LAMP3: variants seen among roughly 807,000 people sequenced by gnomAD.
The protein encoded by LAMP3 is lysosome associated membrane protein 3.
Under a neutral mutation model 34.8 loss-of-function variants are expected in LAMP3, and 26 were observed. The observed-to-expected ratio is 0.75, with a 90% CI of 0.55 to 1.04. LAMP3 has a LOEUF of 1.04. Among genes scored for constraint, LAMP3 ranks in the 50% least tolerant of loss-of-function variants. The probability of loss-of-function intolerance (pLI) is 0.00; values close to 1 mark genes in which losing one functional copy is unlikely to be tolerated. For synonymous variants in LAMP3, 180 were observed against 201.9 expected, an observed-to-expected ratio of 0.89 and a Z score of 0.92; for missense variants, 495 against 524.0, an observed-to-expected ratio of 0.94 and a Z score of 0.54.
intron 1 of LAMP3, among the ~76,000 whole-genome samples, chr3:183,156,845 C>T (rs1720835851): frequency 1.3e-5 from 2 of 152,252 alleles, no homozygotes; most frequent in East Asian, 1.9e-4. Context: ...GGGGCGGAGA[C>T]TTGAGCACCG....
intron 5 of LAMP3, among the ~76,000 whole-genome samples, chr3:183,124,528 G>A (rs917717273): frequency 3.9e-5 from 6 of 152,126 alleles, no homozygotes; most frequent in Admixed American, 1.3e-4. Context: ...TGCTAAGTGG[G>A]ATATGCTTAC....
intron 3 of LAMP3, among the ~76,000 whole-genome samples, chr3:183,149,564 AAAAAAAAAAAATATATATAT>A (rs1388967908): frequency 3.4e-4 from 5 of 14,652 alleles, no homozygotes; most frequent in Non-Finnish European, 4.7e-4. Flanking sequence ...AAAAAAAAAA[AAAAAAAAAAAATATATATAT>A]ATATATATAT....
chr3:183,133,904 T>C (rs1720002054), intron 5 of LAMP3, among the ~76,000 whole-genome samples: 1 of 152,184 alleles, frequency 6.6e-6, no homozygotes. Context: ...TTCGATCCCC[T>C]GTTTAAAAAT....
chr3:183,151,021 G>C (rs568366944), intron 3 of LAMP3, among the ~76,000 whole-genome samples: 8 of 152,092 alleles, frequency 5.3e-5, no homozygotes, highest in Non-Finnish European at 1.0e-4. Flanking sequence ...TGCTCCAGGA[G>C]AATAAAGTCT....
chr3:183,153,228 A>G (rs1490714587), intron 2 of LAMP3, among the ~76,000 whole-genome samples: 2 of 151,752 alleles, frequency 1.3e-5, no homozygotes, highest in Non-Finnish European at 2.9e-5. Context: ...CCTTTAGTAT[A>G]TCAAATAATC....
chr3:183,146,718 G>T (rs1486144805), intron 3 of LAMP3, among the ~76,000 whole-genome samples: 1 of 151,820 alleles, frequency 6.6e-6, no homozygotes, highest in Non-Finnish European at 1.5e-5. Flanking sequence ...AGTAGAGACA[G>T]GGTCTTGCCA....
chr3:183,138,059 G>C (rs1333775415), intron 4 of LAMP3, among the ~76,000 whole-genome samples: 1 of 152,010 alleles, frequency 6.6e-6, no homozygotes, highest in Non-Finnish European at 1.5e-5. Flanking sequence ...CTGACCTGAG[G>C]TGATCTGCCC....
intron 1 of LAMP3, among the ~76,000 whole-genome samples, chr3:183,156,505 T>C (rs1216246161): frequency 6.6e-6 from 1 of 152,194 alleles, no homozygotes; most frequent in Non-Finnish European, 1.5e-5. Context: ...TGTCCTGTGC[T>C]GGGCTGAGAA....
chr3:183,162,934 G>C, upstream of LAMP3: 1 of 457,618 alleles, frequency 2.2e-6, no homozygotes, highest in Middle Eastern at 5.9e-4. Flanking sequence ...GGCCTCCTCC[G>C]CTCATACCCT....
chr3:183,152,475 A>T lies in LAMP3; in HGVS notation c.788T>A (p.Ile263Asn), dbSNP rs1169130907. Residue 263 changes from isoleucine (I) to asparagine (N), a missense_variant, in exon 3 of 6, where the codon ATC becomes AAC. Coordinates refer to ENST00000265598, the MANE Select transcript of LAMP3 (RefSeq NM_014398.4). ...AGAGGCTTGCGTTGCGTTGGGGTCGATGTTGAAGTATCTCCGAGGTGAAAA... is the reference window on the plus strand; with the variant it reads ...AGAGGCTTGCGTTGCGTTGGGGTCGTTGTTGAAGTATCTCCGAGGTGAAAA... ...SVFSPRRYFN[I>N]DPNATQASGN... 4 of 1,612,136 alleles carry T rather than the reference A, an allele frequency of 2.5e-6. No homozygotes were observed. The African/African-American group carries it at 5.3e-5, about 22-fold the overall frequency.
rs1239354668 is a variant in LAMP3 at position 183,162,648 on chromosome 3, C to T, written c.8G>A (p.Arg3Gln). Residue 3 changes from arginine to glutamine, a missense_variant, in exon 1 of 6, where the codon CGG becomes CAG. By Grantham distance (43) the Arg-to-Gln change is conservative. Coordinates refer to ENST00000265598, the MANE Select transcript of LAMP3 (RefSeq NM_014398.4). Reference sequence around the variant, plus strand: ...GAGCGCGGCCGCCGCGCTGAGCTGCCGGGGCATGGTGGGCGCTGGGCGAGG... The same window carrying T: ...GAGCGCGGCCGCCGCGCTGAGCTGCTGGGGCATGGTGGGCGCTGGGCGAGG... MP[R>Q]QLSAAAALFA... 2 of 1,541,232 alleles carry T rather than the reference C, an allele frequency of 1.3e-6. No homozygotes were observed. Among genetic ancestry groups the T allele is most frequent in the Non-Finnish European group, 8.7e-7 (1 of 1,144,862 alleles).
intron 4 of LAMP3, among the ~76,000 whole-genome samples, chr3:183,139,734 A>G (rs561262005): frequency 1.3e-4 from 20 of 152,246 alleles, no homozygotes; most frequent in South Asian, 6.2e-4. Flanking sequence ...GAAACCGCGA[A>G]TAAGGTCGGG....
At chr3:183,153,637 C>T (rs746648586) in intron 2 of LAMP3, 45 bp downstream of exon 2, 2 of 1,380,532 alleles carry the variant, frequency 1.4e-6, no homozygotes, top group Non-Finnish European at 2.0e-6. Context: ...AACCTCCACT[C>T]AGACTTTTTG....
At chr3:183,124,350 G>A (rs1719734885) in intron 5 of LAMP3, 136 bp from the exon 6 acceptor site, 1 of 695,302 alleles carries the variant, frequency 1.4e-6, no homozygotes. Flanking sequence ...CTAGCTTTGT[G>A]ACCTTGGGCA....
At chr3:183,160,679 A>G (rs1414367136) in intron 1 of LAMP3, among the ~76,000 whole-genome samples, 1 of 152,168 alleles carries the variant, frequency 6.6e-6, no homozygotes, top group Non-Finnish European at 1.5e-5. Context: ...TATGAGACTA[A>G]ATAAGTTATA....
chr3:183,155,387 C>A (rs1720794629), intron 1 of LAMP3, among the ~76,000 whole-genome samples: 2 of 152,164 alleles, frequency 1.3e-5, no homozygotes, highest in African/African-American at 4.8e-5. Context: ...CATTTTCGTA[C>A]TTAACTTTTG....
chr3:183,140,410 CAAAAAAAA>C (rs58229572), intron 4 of LAMP3, 120 bp downstream of exon 4: 482 of 194,294 alleles, frequency 2.5e-3, no homozygotes, highest in South Asian at 4.6e-3. Flanking sequence ...GACTCCATCT[CAAAAAAAA>C]AAAAAAAAAA....
At chr3:183,148,878 C>T (rs150090326) in intron 3 of LAMP3, among the ~76,000 whole-genome samples, 2,849 of 152,292 alleles carry the variant, frequency 0.019, 30 homozygotes, top group Non-Finnish European at 0.026. Context: ...TATATCGAAG[C>T]GATCTGCTCT....
Position 183,153,652 on chromosome 3 carries a change from T to C in LAMP3, c.759+30A>G, listed in dbSNP as rs1477283164. On this transcript the variant is annotated intron_variant, in intron 2 of 5. Coordinates refer to ENST00000265598, the MANE Select transcript of LAMP3 (RefSeq NM_014398.4). ...AACCTCCACTCAGACTTTTTGAAGA[T>C]AGTGTTATAGTCCTGTGGCCCCAAC... 4 of 1,431,740 alleles carry C rather than the reference T, an allele frequency of 2.8e-6. No homozygotes were observed. The African/African-American group carries it at 4.3e-5, about 15-fold the overall frequency. 88.7% of individuals were successfully genotyped at this position (1,431,740 alleles called of 1,614,324 possible).
Sources: allele counts gnomAD v4.1 joint callset (sites outside exome capture counted in the v4.1 genomes callset), GRCh38; gene constraint gnomAD v4.1.1; transcripts MANE v1.5; gene names NCBI Gene and HGNC (gene_info 2026-07-23, HGNC 2026-07-21).